SCHIP1: variants seen among roughly 807,000 people sequenced by gnomAD.
SCHIP1 encodes schwannomin-interacting protein 1.
SCHIP1 carries 8 observed loss-of-function variants against 29.7 expected under a neutral mutation model. The observed-to-expected ratio is 0.27, with a 90% CI of 0.16 to 0.49. The LOEUF is 0.49. SCHIP1 is among the 20% of genes least tolerant of loss of function. The probability of loss-of-function intolerance (pLI) is 0.99; values close to 1 mark genes in which losing one functional copy is unlikely to be tolerated. For missense variants in SCHIP1, 193 were observed against 294.6 expected, an observed-to-expected ratio of 0.66 and a Z score of 2.52; for synonymous variants, 76 against 94.9, an observed-to-expected ratio of 0.80 and a Z score of 1.16.
At chr3:159,749,912 T>C in the SCHIP1 span, among the ~76,000 whole-genome samples, 34 of 152,252 alleles carry the variant, frequency 2.2e-4, 1 homozygote, top group African/African-American at 7.9e-4. Flanking sequence ...TTAGTGTAAT[T>C]TTAAAACATA....
chr3:159,700,115 G>T, the SCHIP1 span, among the ~76,000 whole-genome samples: 1 of 152,160 alleles, frequency 6.6e-6, no homozygotes, highest in Non-Finnish European at 1.5e-5. Context: ...AGAAGTACAT[G>T]AATTGCTTTC....
chr3:159,468,777 A>ATATATATATATATAT, the SCHIP1 span, among the ~76,000 whole-genome samples: 1 of 127,350 alleles, frequency 7.9e-6, no homozygotes, highest in African/African-American at 3.0e-5. Flanking sequence ...ATATATATAT[A>ATATATATATATATAT]TTTTTTTTAG....
At chr3:159,582,334 T>C in the SCHIP1 span, among the ~76,000 whole-genome samples, 1 of 151,990 alleles carries the variant, frequency 6.6e-6, no homozygotes, top group African/African-American at 2.4e-5. Flanking sequence ...TGGCTTATTT[T>C]TTTTTTATTT....
the SCHIP1 span, among the ~76,000 whole-genome samples, chr3:159,446,461 G>GTTGCAATACAGCAATACAA: frequency 1.3e-5 from 2 of 151,340 alleles, no homozygotes; most frequent in African/African-American, 4.9e-5. Context: ...CAGCAATACA[G>GTTGCAATACAGCAATACAA]TATTGTTGCA....
At chr3:159,757,422 C>T in the SCHIP1 span, among the ~76,000 whole-genome samples, 4 of 152,348 alleles carry the variant, frequency 2.6e-5, no homozygotes, top group African/African-American at 2.4e-5. Flanking sequence ...ATTCAATCAT[C>T]TCCCATCAGG....
chr3:159,485,762 A>C, the SCHIP1 span, among the ~76,000 whole-genome samples: 2 of 152,184 alleles, frequency 1.3e-5, no homozygotes, highest in Non-Finnish European at 1.5e-5. Context: ...TAATTTCTAT[A>C]AAGTTCCTAA....
chr3:159,411,117 C>A, the SCHIP1 span, among the ~76,000 whole-genome samples: 1 of 151,926 alleles, frequency 6.6e-6, no homozygotes, highest in East Asian at 1.9e-4. Flanking sequence ...ATAATAGTTA[C>A]CATAGGCTTA....
the SCHIP1 span, among the ~76,000 whole-genome samples, chr3:159,446,779 T>C: frequency 6.6e-6 from 1 of 152,130 alleles, no homozygotes; most frequent in South Asian, 2.1e-4. Flanking sequence ...TTTAGAAGTG[T>C]GCCAAGAAAC....
At chr3:159,428,504 T>A in the SCHIP1 span, among the ~76,000 whole-genome samples, 1 of 152,170 alleles carries the variant, frequency 6.6e-6, no homozygotes, top group Non-Finnish European at 1.5e-5. Flanking sequence ...AGATACCATC[T>A]CACACCAGTT....
chr3:159,288,323 C>A, the SCHIP1 span, among the ~76,000 whole-genome samples: 1 of 152,152 alleles, frequency 6.6e-6, no homozygotes, highest in African/African-American at 2.4e-5. Context: ...TAGCTAGTAT[C>A]CCCTCATGCA....
At chr3:159,365,824 G>A in the SCHIP1 span, among the ~76,000 whole-genome samples, 1 of 152,148 alleles carries the variant, frequency 6.6e-6, no homozygotes, top group Non-Finnish European at 1.5e-5. Context: ...TGGACAGAGT[G>A]AATTATCATT....
At chr3:159,871,758 T>G (rs1715314309) in intron 2 of SCHIP1, among the ~76,000 whole-genome samples, 1 of 152,174 alleles carries the variant, frequency 6.6e-6, no homozygotes, top group Non-Finnish European at 1.5e-5. Context: ...AAAATTTTAC[T>G]TAATTTCCTT....
At chr3:159,279,498 T>C in the SCHIP1 span, among the ~76,000 whole-genome samples, 1 of 152,162 alleles carries the variant, frequency 6.6e-6, no homozygotes, top group Admixed American at 6.5e-5. Flanking sequence ...ACAGGTTACA[T>C]AGAAATAAGA....
chr3:159,504,368 G>A, the SCHIP1 span, among the ~76,000 whole-genome samples: 5 of 152,114 alleles, frequency 3.3e-5, no homozygotes, highest in Non-Finnish European at 5.9e-5. Context: ...CATAGAATTA[G>A]AGGTTTTTGT....
chr3:159,572,111 T>C, the SCHIP1 span, among the ~76,000 whole-genome samples: 1 of 152,202 alleles, frequency 6.6e-6, no homozygotes, highest in Non-Finnish European at 1.5e-5. Flanking sequence ...GGTTTTTTTA[T>C]GTCTCTGTCT....
chr3:159,412,173 C>T, the SCHIP1 span, among the ~76,000 whole-genome samples: 2 of 152,138 alleles, frequency 1.3e-5, no homozygotes, highest in African/African-American at 4.8e-5. Flanking sequence ...CCTTTCAATA[C>T]CACTTAGCCA....
intron 2 of SCHIP1, among the ~76,000 whole-genome samples, chr3:159,874,031 T>C (rs1469691402): frequency 1.3e-5 from 2 of 152,168 alleles, no homozygotes; most frequent in Non-Finnish European, 2.9e-5. Context: ...CACAAGATAG[T>C]CTTTATTAAT....
chr3:159,695,259 A>T, the SCHIP1 span, among the ~76,000 whole-genome samples: 2 of 152,160 alleles, frequency 1.3e-5, no homozygotes, highest in African/African-American at 4.8e-5. Context: ...ATTCTCAGTG[A>T]CCAAAACCCT....
chr3:159,737,437 C>G, the SCHIP1 span, among the ~76,000 whole-genome samples: 1 of 152,142 alleles, frequency 6.6e-6, no homozygotes, highest in East Asian at 1.9e-4. Context: ...GGAACTGGTC[C>G]TCTAGTTCAA....
Sources: gnomAD v4.1 joint callset for allele counts (sites outside exome capture counted in the v4.1 genomes callset) on GRCh38, gnomAD v4.1.1 for gene constraint, MANE v1.5 for transcripts, NCBI Gene and HGNC (gene_info 2026-07-23, HGNC 2026-07-21) for gene names.